LRP1B: variants seen among roughly 807,000 people sequenced by gnomAD.
LRP1B encodes the protein low-density lipoprotein receptor-related protein 1B.
Under a neutral mutation model 556.6 loss-of-function variants are expected in LRP1B, and 217 were observed. The observed-to-expected ratio is 0.39, with a 90% confidence interval of 0.35 to 0.44. The LOEUF is 0.44. Ranked by LOEUF, LRP1B falls within the 20% of genes least tolerant of loss-of-function variation. The probability of loss-of-function intolerance (pLI) is 1.00; values close to 1 mark genes in which losing one functional copy is unlikely to be tolerated. For synonymous variants in LRP1B, 2,047 were observed against 1,865.8 expected (o/e 1.10, Z -2.50); for missense variants, 5,053 against 5,620.8 (o/e 0.90, Z 3.23).
At chr2:141,630,512 T>C (rs935424172) in intron 2 of LRP1B, among the ~76,000 whole-genome samples, 2 of 152,200 alleles carry the variant, frequency 1.3e-5, no homozygotes, top group Non-Finnish European at 1.5e-5. Flanking sequence ...CATTCTGATA[T>C]AGCAAAGATT....
At chr2:140,438,160 G>A (rs983301818) in intron 66 of LRP1B, among the ~76,000 whole-genome samples, 1 of 152,058 alleles carries the variant, frequency 6.6e-6, no homozygotes, top group Non-Finnish European at 1.5e-5. Flanking sequence ...GACACTGCAG[G>A]TGCTAATTTT....
At chr2:140,694,824 G>A (rs546872314) in intron 41 of LRP1B, among the ~76,000 whole-genome samples, 1 of 151,676 alleles carries the variant, frequency 6.6e-6, no homozygotes, top group African/African-American at 2.4e-5. Context: ...ACTTTCACTA[G>A]TACAATATAA....
intron 35 of LRP1B, among the ~76,000 whole-genome samples, chr2:140,736,778 C>G (rs1437010593): frequency 6.6e-6 from 1 of 152,136 alleles, no homozygotes; most frequent in African/African-American, 2.4e-5. Context: ...CAATACCATT[C>G]AGGACATAGG....
intron 73 of LRP1B, 24 bp from the exon 74 acceptor site, chr2:140,358,140 T>C: frequency 6.2e-7 from 1 of 1,604,394 alleles, no homozygotes; most frequent in Non-Finnish European, 8.5e-7. Context: ...CAAAAAATGA[T>C]TAGTGCTTCA....
At chr2:140,383,669 A>G (rs1397891884) in intron 67 of LRP1B, among the ~76,000 whole-genome samples, 1 of 152,160 alleles carries the variant, frequency 6.6e-6, no homozygotes, top group African/African-American at 2.4e-5. Context: ...TTACATGTGT[A>G]AAATGTAAAC....
intron 4 of LRP1B, among the ~76,000 whole-genome samples, chr2:141,253,112 A>C (rs1684326047): frequency 1.3e-5 from 2 of 152,286 alleles, no homozygotes; most frequent in African/African-American, 4.8e-5. Context: ...AGAATGCAGA[A>C]TAGGTATCTA....
At chr2:140,569,873 A>G (rs1360312480) in intron 43 of LRP1B, among the ~76,000 whole-genome samples, 1 of 151,876 alleles carries the variant, frequency 6.6e-6, no homozygotes, top group East Asian at 1.9e-4. Flanking sequence ...AAAACTAGAA[A>G]TCAATTAAAA....
intron 49 of LRP1B, among the ~76,000 whole-genome samples, chr2:140,519,291 C>T (rs543114779): frequency 2.4e-4 from 37 of 152,096 alleles, no homozygotes; most frequent in Non-Finnish European, 4.0e-4. Context: ...GAACAGAGGC[C>T]TCAGAAATAA....
intron 41 of LRP1B, among the ~76,000 whole-genome samples, chr2:140,662,148 A>C (rs191108551): frequency 6.6e-6 from 1 of 151,940 alleles, no homozygotes; most frequent in Non-Finnish European, 1.5e-5. Context: ...AAAACATGAT[A>C]TATCCATTAT....
intron 6 of LRP1B, among the ~76,000 whole-genome samples, chr2:141,220,260 T>G (rs1402288065): frequency 6.6e-6 from 1 of 151,860 alleles, no homozygotes; most frequent in Non-Finnish European, 1.5e-5. Context: ...AAACACAACA[T>G]GAGAACTTCA....
chr2:141,180,847 A>G (rs570390875), intron 7 of LRP1B, among the ~76,000 whole-genome samples: 19 of 152,108 alleles, frequency 1.2e-4, no homozygotes, highest in Non-Finnish European at 2.5e-4. Context: ...GGAACAAATA[A>G]TATTTGTTCA....
intron 37 of LRP1B, among the ~76,000 whole-genome samples, chr2:140,709,450 G>GGAAGAAGAA (rs70988418): frequency 1.3e-5 from 2 of 150,896 alleles, no homozygotes; most frequent in Admixed American, 6.6e-5. Context: ...AGGAGCAGGA[G>GGAAGAAGAA]GAAGAAGAAG....
chr2:140,773,028 A>G (rs1397859381), intron 33 of LRP1B, among the ~76,000 whole-genome samples: 1 of 152,022 alleles, frequency 6.6e-6, no homozygotes, highest in Non-Finnish European at 1.5e-5. Context: ...AACCCTGGAG[A>G]CAGAGGCTGC....
chr2:141,571,428 T>C (rs1160737997), intron 2 of LRP1B, among the ~76,000 whole-genome samples: 1 of 139,486 alleles, frequency 7.2e-6, no homozygotes, highest in African/African-American at 2.5e-5. Context: ...AGGGTCAGCA[T>C]GGCCTCAAAG....
chr2:140,254,326 T>C (rs1349277946), intron 86 of LRP1B, among the ~76,000 whole-genome samples: 1 of 152,132 alleles, frequency 6.6e-6, no homozygotes, highest in Non-Finnish European at 1.5e-5. Context: ...ATGTCTTAAT[T>C]AGTGCAAAAT....
chr2:140,378,495 A>G (rs1000073472), intron 67 of LRP1B, among the ~76,000 whole-genome samples: 1 of 152,226 alleles, frequency 6.6e-6, no homozygotes, highest in East Asian at 1.9e-4. Context: ...TAAGTACAAA[A>G]TGGCATTACA....
intron 1 of LRP1B, among the ~76,000 whole-genome samples, chr2:142,010,160 G>T (rs1702912093): frequency 6.6e-6 from 1 of 152,066 alleles, no homozygotes; most frequent in African/African-American, 2.4e-5. Flanking sequence ...GGGTTTACTA[G>T]TGACAGGTAC....
At chr2:141,286,842 T>C (rs998409952) in intron 3 of LRP1B, 7 of 339,904 alleles carry the variant, frequency 2.1e-5, no homozygotes, top group African/African-American at 8.5e-5. Flanking sequence ...TGCTGCCCAA[T>C]TGAACTTTCT....
chr2:141,997,444 T>TACAC (rs148682019), intron 1 of LRP1B, among the ~76,000 whole-genome samples: 1 of 137,260 alleles, frequency 7.3e-6, no homozygotes, highest in African/African-American at 2.7e-5. Context: ...TGTGTGTATA[T>TACAC]ACACACACAC....
Sources: gnomAD v4.1 joint callset for allele counts (sites outside exome capture counted in the v4.1 genomes callset) on GRCh38, gnomAD v4.1.1 for gene constraint, MANE v1.5 for transcripts, NCBI Gene and HGNC (gene_info 2026-07-23, HGNC 2026-07-21) for gene names.